The following CLYBL variants were observed in gnomAD, a reference collection of about 807,000 sequenced individuals.
The protein encoded by CLYBL is citramalyl-CoA lyase, mitochondrial.
In CLYBL, 31 loss-of-function variants were observed where a neutral mutation model predicts 38.9. The observed-to-expected ratio is 0.80, with a 90% CI of 0.60 to 1.08. CLYBL has a LOEUF of 1.08. Ranked by LOEUF, CLYBL falls within the 50% of genes least tolerant of loss-of-function variation. The probability of loss-of-function intolerance (pLI) is 0.00; values close to 1 mark genes in which losing one functional copy is unlikely to be tolerated. For missense variants in CLYBL, 434 were observed against 411.6 expected (o/e 1.05, Z -0.47); for synonymous variants, 171 against 158.6 (o/e 1.08, Z -0.59).
intron 1 of CLYBL, among the ~76,000 whole-genome samples, chr13:99,640,828 T>G (rs1391992354): frequency 6.6e-6 from 1 of 152,228 alleles, no homozygotes; most frequent in East Asian, 1.9e-4. Context: ...TTTGTATGCA[T>G]GTACCCAGAT....
At chr13:99,738,907 G>A (rs1314427699) in intron 1 of CLYBL, among the ~76,000 whole-genome samples, 1 of 152,148 alleles carries the variant, frequency 6.6e-6, no homozygotes, top group Admixed American at 6.5e-5. Flanking sequence ...TGACTCTCGT[G>A]CTGTTAACAG....
chr13:99,850,263 T>C (rs913776596), intron 2 of CLYBL, among the ~76,000 whole-genome samples: 5 of 152,224 alleles, frequency 3.3e-5, no homozygotes, highest in African/African-American at 1.2e-4. Context: ...GGATTTGATA[T>C]CCAGAATATC....
intron 7 of CLYBL, among the ~76,000 whole-genome samples, chr13:99,876,564 G>A (rs114128275): frequency 3.3e-5 from 5 of 151,396 alleles, no homozygotes; most frequent in Non-Finnish European, 1.5e-5. Flanking sequence ...ATATTTTTCC[G>A]GGTTTTATTT....
intron 2 of CLYBL, among the ~76,000 whole-genome samples, chr13:99,810,649 C>G (rs1387623707): frequency 6.6e-6 from 1 of 152,090 alleles, no homozygotes; most frequent in Non-Finnish European, 1.5e-5. Flanking sequence ...TGGAAGGCTA[C>G]TAAGGGTTTC....
chr13:99,901,175 G>T (rs2052637702), downstream of CLYBL, among the ~76,000 whole-genome samples: 2 of 152,174 alleles, frequency 1.3e-5, no homozygotes, highest in South Asian at 4.1e-4. Context: ...CCTCTTGGCC[G>T]CGGGCCTCAC....
chr13:99,745,507 A>G (rs948927473), intron 1 of CLYBL, among the ~76,000 whole-genome samples: 16 of 152,248 alleles, frequency 1.1e-4, no homozygotes, highest in Admixed American at 9.8e-4. Flanking sequence ...AGTTCTAGGA[A>G]GTCTTACCTT....
chr13:99,606,743 G>A lies in CLYBL; in HGVS notation c.48G>A (p.Ala16=). 6.7e-7 allele frequency: 1 copy of A among 1,484,964 alleles called. No homozygotes were observed. The highest frequency in any genetic ancestry group is 8.9e-7 in the Non-Finnish European group (1 of 1,123,416). 92.0% of individuals were successfully genotyped at this position (1,484,964 alleles called of 1,614,324 possible). Residue 16 remains alanine, a synonymous_variant, in exon 1 of 9, where the codon GCG becomes GCA. Coordinates refer to ENST00000339105, the MANE Select transcript of CLYBL (RefSeq NM_206808.5). ...LRRAARGAAA[A]ALLRLKASLA... ...GGGCGGCGCGCGGAGCTGCGGCGGC[G>A]GCGCTGCTGAGGCTGTGAGTGCAGG...
intron 7 of CLYBL, among the ~76,000 whole-genome samples, chr13:99,875,741 G>A (rs561469684): frequency 7.2e-5 from 11 of 152,230 alleles, no homozygotes; most frequent in African/African-American, 2.4e-4. Context: ...TCCAGCCCAC[G>A]ACCCACAGCC....
chr13:99,867,145 A>G (rs1268069165), intron 6 of CLYBL, among the ~76,000 whole-genome samples: 1 of 152,244 alleles, frequency 6.6e-6, no homozygotes. Flanking sequence ...GGAGTTGCAC[A>G]CACACAAACT....
At position 99,774,517 on chromosome 13, in the gene CLYBL, G is replaced by A. The variant is rs1029736995; in HGVS notation, c.249+1507G>A. ...TTGGGCTGGGAATGGGTCGTGGGGCGGGGGATGAGGGAGCTGGCTCTCTGG... is the reference window on the plus strand; with the variant it reads ...TTGGGCTGGGAATGGGTCGTGGGGCAGGGGATGAGGGAGCTGGCTCTCTGG... On this transcript the variant is annotated intron_variant, in intron 2 of 8. Transcript: ENST00000339105. Among the ~76,000 whole-genome samples the A allele has an allele frequency of 2.6e-5, 4 of 152,144 alleles. 1 individual carries two copies. In the South Asian group the frequency reaches 6.2e-4, roughly 24 times the overall value.
At chr13:99,655,264 C>T (rs969119901) in intron 1 of CLYBL, among the ~76,000 whole-genome samples, 3 of 151,880 alleles carry the variant, frequency 2.0e-5, no homozygotes, top group Admixed American at 6.5e-5. Flanking sequence ...TTAGTAGAGA[C>T]GGGGTTTTAC....
chr13:99,903,558 TA>T (rs1261409903), intron 8 of CLYBL, among the ~76,000 whole-genome samples: 1 of 152,206 alleles, frequency 6.6e-6, no homozygotes, highest in Admixed American at 6.5e-5. Flanking sequence ...ACCTGGAAAT[TA>T]AAAACTTTGA....
At chr13:99,649,515 G>A (rs540295912) in intron 1 of CLYBL, among the ~76,000 whole-genome samples, 2 of 152,242 alleles carry the variant, frequency 1.3e-5, no homozygotes, top group South Asian at 2.1e-4. Context: ...CTTATTTGCC[G>A]ATAAGTTGAA....
intron 7 of CLYBL, among the ~76,000 whole-genome samples, chr13:99,883,325 C>T (rs2052264201): frequency 6.6e-6 from 1 of 152,016 alleles, no homozygotes; most frequent in African/African-American, 2.4e-5. Flanking sequence ...TGAAGACCAG[C>T]CTGGCCAACA....
intron 1 of CLYBL, among the ~76,000 whole-genome samples, chr13:99,750,787 A>G (rs557701428): frequency 3.9e-5 from 6 of 152,118 alleles, no homozygotes; most frequent in Admixed American, 2.6e-4. Flanking sequence ...TAAATTTATT[A>G]GAAATTGTGG....
chr13:99,772,547 A>C (rs1845287095), intron 1 of CLYBL, among the ~76,000 whole-genome samples: 1 of 152,028 alleles, frequency 6.6e-6, no homozygotes, highest in Admixed American at 6.5e-5. Flanking sequence ...AAATACAAAA[A>C]ATTAGCCAGG....
chr13:99,840,034 T>A (rs1206296617), intron 2 of CLYBL, among the ~76,000 whole-genome samples: 1 of 135,248 alleles, frequency 7.4e-6, no homozygotes, highest in Non-Finnish European at 1.5e-5. Flanking sequence ...TACAAGCATA[T>A]AGTTCCCAGG....
chr13:99,722,684 T>C (rs1164957154), intron 1 of CLYBL, among the ~76,000 whole-genome samples: 7 of 152,212 alleles, frequency 4.6e-5, no homozygotes, highest in African/African-American at 1.7e-4. Flanking sequence ...GAATTCACTT[T>C]TCTTTGAGGT....
At chr13:99,608,186 C>T (rs1325240378) in intron 1 of CLYBL, among the ~76,000 whole-genome samples, 1 of 151,614 alleles carries the variant, frequency 6.6e-6, no homozygotes, top group Non-Finnish European at 1.5e-5. Context: ...ATTCTCCTGC[C>T]GCAGCCTCCG....
Sources: allele counts gnomAD v4.1 joint callset (sites outside exome capture counted in the v4.1 genomes callset), GRCh38; gene constraint gnomAD v4.1.1; transcripts MANE v1.5; gene names NCBI Gene and HGNC (gene_info 2026-07-23, HGNC 2026-07-21).